The following FREM1 variants were observed in gnomAD, a reference collection of about 807,000 sequenced individuals.
FREM1 encodes FRAS1-related extracellular matrix protein 1.
Under a neutral mutation model 210.1 loss-of-function variants are expected in FREM1, and 220 were observed. That is an observed-to-expected ratio of 1.05 (90% CI 0.94 to 1.17). The LOEUF is 1.17. FREM1 is among the 50% of genes most tolerant of loss of function. The probability of loss-of-function intolerance (pLI) is 0.00; values close to 1 mark genes in which losing one functional copy is unlikely to be tolerated. For missense variants in FREM1, 3,454 were observed against 2,675.5 expected (o/e 1.29, Z -6.42); for synonymous variants, 1,189 against 980.2 (o/e 1.21, Z -3.98).
chr9:14,847,070 G>T (rs934167017), intron 7 of FREM1, among the ~76,000 whole-genome samples: 6 of 152,128 alleles, frequency 3.9e-5, no homozygotes, highest in African/African-American at 1.4e-4. Context: ...GGGCATGTGG[G>T]GAGTTAACAG....
At chr9:14,872,299 A>G (rs1832826785) in intron 1 of FREM1, among the ~76,000 whole-genome samples, 1 of 152,190 alleles carries the variant, frequency 6.6e-6, no homozygotes, top group Non-Finnish European at 1.5e-5. Flanking sequence ...CCTACCCATG[A>G]GCATGGAATG....
At position 14,777,052 on chromosome 9, in the gene FREM1, CACT is replaced by C. The variant is rs371876159; in HGVS notation, c.4443-852_4443-850del. On this transcript the variant is annotated intron_variant, in intron 24 of 36. Coordinates refer to ENST00000380880, the MANE Select transcript of FREM1 (RefSeq NM_001379081.2). Reference sequence around the variant, plus strand: ...ATGCAGGTCTTTTAATCCCTGCACCCACTACTCTTGCAGAGTTTAAAACAAATT... The same window carrying C: ...ATGCAGGTCTTTTAATCCCTGCACCCACTCTTGCAGAGTTTAAAACAAATT... 2.7e-4 allele frequency among the ~76,000 whole-genome samples: 41 copies of C among 152,316 alleles called. No individual in the cohort carries two copies. The East Asian group carries it at 7.5e-3, about 28-fold the overall frequency.
chr9:14,805,199 C>G (rs1026142546), intron 18 of FREM1, 47 bp from the exon 19 acceptor site: 2 of 1,195,324 alleles, frequency 1.7e-6, no homozygotes, highest in Non-Finnish European at 2.3e-6. Context: ...AAAATTTTTC[C>G]AAGTTATTGG....
intron 28 of FREM1, 114 bp from the exon 29 acceptor site, chr9:14,756,560 T>C: frequency 1.5e-6 from 1 of 679,728 alleles, no homozygotes; most frequent in Non-Finnish European, 2.3e-6. Context: ...GTTTTTAATA[T>C]TAGGTAGGGT....
At chr9:14,842,851 T>C (rs1193741614) in intron 8 of FREM1, among the ~76,000 whole-genome samples, 191 bp from the exon 9 acceptor site, 2 of 152,208 alleles carry the variant, frequency 1.3e-5, no homozygotes, top group African/African-American at 4.8e-5. Flanking sequence ...CTCCAACATT[T>C]ATCAGTTGTG....
At chr9:14,887,818 A>G (rs1836081133) in intron 1 of FREM1, among the ~76,000 whole-genome samples, 1 of 152,162 alleles carries the variant, frequency 6.6e-6, no homozygotes, top group Admixed American at 6.5e-5. Context: ...TTTCATACAT[A>G]AATATACAGT....
Position 14,745,912 on chromosome 9 carries a change from G to A in FREM1, c.6254+441C>T, listed in dbSNP as rs1039880628. On this transcript the variant is annotated intron_variant, in intron 35 of 36. Transcript: ENST00000380880. ...TGTATAATCGCATTGCTAGAGGCCC[G>A]ACGTTATAAGGCTTTTCATTACTAT... is the stretch of plus-strand genomic sequence containing the variant. Among the ~76,000 whole-genome samples, 12 of 152,092 alleles carry A rather than the reference G, an allele frequency of 7.9e-5. No homozygotes were observed. In the South Asian group the frequency reaches 2.3e-3, roughly 29 times the overall value.
intron 29 of FREM1, among the ~76,000 whole-genome samples, chr9:14,755,374 G>A (rs937630288): frequency 3.3e-5 from 5 of 152,228 alleles, no homozygotes; most frequent in East Asian, 1.9e-4. Context: ...AGTGGCAGAT[G>A]ATGTCAATAG....
chr9:14,857,737 T>C lies in FREM1; in HGVS notation c.644A>G (p.Lys215Arg). ...SFFPESQLRA[K>R]LKCPGGSCTP... ...ACAGCTCCCACCTGGACACTTCAGT[T>C]TTGCTCTCAGTTCTAGAATGTACAG... The change falls in exon 5 of 37, where the codon AAA (lysine) becomes AGA (arginine). Residue 215 changes from lysine (K) to arginine (R), a missense_variant. Physicochemically the swap from Lys to Arg is conservative, Grantham distance 26. Coordinates refer to ENST00000380880, the MANE Select transcript of FREM1 (RefSeq NM_001379081.2). The C allele has an allele frequency of 6.2e-7, 1 of 1,603,042 alleles. No individual in the cohort carries two copies. The highest frequency in any genetic ancestry group is 8.5e-7 in the Non-Finnish European group (1 of 1,174,694).
At position 14,860,824 on chromosome 9, in the gene FREM1, T is replaced by C. The variant is rs376376759; in HGVS notation, c.330-1340A>G. On this transcript the variant is annotated intron_variant, in intron 3 of 36. Transcript: ENST00000380880. ...ACATATATACATATATACACATATATACATATATACGTATATATACATATA... is the reference window on the plus strand; with the variant it reads ...ACATATATACATATATACACATATACACATATATACGTATATATACATATA... Among the ~76,000 whole-genome samples, 36 of 92,968 alleles carry C rather than the reference T, an allele frequency of 3.9e-4. 1 individual carries two copies. The highest frequency in any genetic ancestry group is 1.0e-3 in the African/African-American group (27 of 25,816). The allele number at this position is 92,968 out of a possible 152,430, so 61.0% of individuals were successfully genotyped here. A position where few individuals can be genotyped will look rare whatever the true frequency, so the allele number is the denominator to read the frequency against.
chr9:14,806,874 A>C, intron 17 of FREM1, 28 bp from the exon 18 acceptor site: 1 of 1,461,626 alleles, frequency 6.8e-7, no homozygotes. Context: ...CACAATTACA[A>C]CTTAGCATGA....
chr9:14,887,722 A>C (rs1231321471), intron 1 of FREM1, among the ~76,000 whole-genome samples: 1 of 152,132 alleles, frequency 6.6e-6, no homozygotes, highest in African/African-American at 2.4e-5. Context: ...TTCACTTACT[A>C]TACAGAAGCA....
chr9:14,894,376 T>C (rs566367436), intron 1 of FREM1, among the ~76,000 whole-genome samples: 1 of 152,370 alleles, frequency 6.6e-6, no homozygotes, highest in East Asian at 1.9e-4. Flanking sequence ...CATTTTATCA[T>C]CCACTGACAA....
intron 21 of FREM1, among the ~76,000 whole-genome samples, 174 bp downstream of exon 21, chr9:14,797,324 A>G (rs1378417465): frequency 6.6e-6 from 1 of 152,214 alleles, no homozygotes; most frequent in African/African-American, 2.4e-5. Flanking sequence ...AGGAGAGGTT[A>G]CCTTAACTAA....
At chr9:14,785,827 T>C (rs978685914) in intron 23 of FREM1, among the ~76,000 whole-genome samples, 2 of 152,106 alleles carry the variant, frequency 1.3e-5, no homozygotes, top group Admixed American at 6.6e-5. Flanking sequence ...GATGAAAAAA[T>C]TCTGGAGATT....
Position 14,740,236 on chromosome 9 carries a change from T to C in FREM1, c.6255-2A>G, listed in dbSNP as rs765858709. 6.2e-7 allele frequency: 1 copy of C among 1,607,918 alleles called. No homozygotes were observed. The highest frequency in any genetic ancestry group is 8.5e-7 in the Non-Finnish European group (1 of 1,174,754). The stretch of plus-strand genomic sequence containing the variant: ...ACAGTTACAAGGTTGCCCAGGTATC[T>C]AAATGCAAATGAAAATGAGAGTATC... On this transcript the variant is annotated splice_acceptor_variant, in intron 35 of 36. Coordinates refer to ENST00000380880, the MANE Select transcript of FREM1 (RefSeq NM_001379081.2). LOFTEE classifies it high-confidence loss of function.
At chr9:14,764,057 G>A (rs1273662095) in intron 27 of FREM1, among the ~76,000 whole-genome samples, 1 of 152,146 alleles carries the variant, frequency 6.6e-6, no homozygotes, top group East Asian at 1.9e-4. Context: ...GGACCTGGTG[G>A]GAGATAACTG....
intron 35 of FREM1, among the ~76,000 whole-genome samples, chr9:14,745,759 T>C (rs1382887756): frequency 6.6e-6 from 1 of 152,244 alleles, no homozygotes; most frequent in East Asian, 1.9e-4. Context: ...GATAGGTACA[T>C]ATGCATTTTT....
chr9:14,837,753 G>C (rs1283627630), intron 10 of FREM1, among the ~76,000 whole-genome samples: 1 of 152,172 alleles, frequency 6.6e-6, no homozygotes, highest in African/African-American at 2.4e-5. Context: ...CAGACTGCAG[G>C]AGAATAGAAA....
Sources: gnomAD v4.1 joint callset for allele counts (sites outside exome capture counted in the v4.1 genomes callset) on GRCh38, gnomAD v4.1.1 for gene constraint, MANE v1.5 for transcripts, NCBI Gene and HGNC (gene_info 2026-07-23, HGNC 2026-07-21) for gene names.